Variants in PDE11A observed in about 807,000 individuals in gnomAD.
PDE11A encodes the protein phosphodiesterase 11A.
In PDE11A, 100 loss-of-function variants were observed where a neutral mutation model predicts 100.5. The ratio of observed to expected loss-of-function variants is 1.00; its 90% confidence interval spans 0.85 to 1.18. The LOEUF is 1.18. Ranked by LOEUF, PDE11A falls within the 50% of genes most tolerant of loss-of-function variation. PDE11A has a pLI of 0.00. For missense variants in PDE11A, 1,141 were observed against 1,152.6 expected, an observed-to-expected ratio of 0.99 and a Z score of 0.15; for synonymous variants, 381 against 420.8, an observed-to-expected ratio of 0.91 and a Z score of 1.16.
intron 4 of PDE11A, among the ~76,000 whole-genome samples, chr2:177,881,286 T>C (rs995871761): frequency 6.6e-6 from 1 of 151,408 alleles, no homozygotes; most frequent in Admixed American, 6.6e-5. Flanking sequence ...TCCATAATTA[T>C]GTGAGCCAAT....
chr2:178,072,198 G>A lies in PDE11A; in HGVS notation c.240C>T (p.Gly80=). The A allele has an allele frequency of 6.2e-7, 1 of 1,613,868 alleles. No homozygotes were observed. The change falls in exon 1 of 20, where the codon GGC becomes GGT. Residue 80 remains glycine (G), a synonymous_variant. Transcript: ENST00000286063. The stretch of plus-strand genomic sequence containing the variant: ...CGGGAAGGGGCTGGCTGTGGGCAGA[G>A]CCATTTGGTCCAGTGCCACCACCAA... The part of the protein sequence containing the change: ...SSVGGGTGPN[G]SAHSQPLPGG...
At chr2:178,016,843 G>A (rs2086344997) in intron 1 of PDE11A, among the ~76,000 whole-genome samples, 1 of 152,206 alleles carries the variant, frequency 6.6e-6, no homozygotes, top group Non-Finnish European at 1.5e-5. Context: ...GACAAAGGGA[G>A]AGTGAAAGAG....
intron 10 of PDE11A, among the ~76,000 whole-genome samples, chr2:177,767,144 AC>A (rs2082250721): frequency 6.6e-6 from 1 of 152,184 alleles, no homozygotes. Flanking sequence ...AACCTGACCA[AC>A]ATGGTGAAAC....
chr2:178,071,703 C>T lies in PDE11A; in HGVS notation c.735G>A (p.Gly245=). 1.9e-6 allele frequency: 3 copies of T among 1,613,864 alleles called. No individual in the cohort carries two copies. The highest frequency in any genetic ancestry group is 1.1e-5 in the South Asian group (1 of 91,046). Residue 245 remains glycine (G), a synonymous_variant, in exon 1 of 20, where the codon GGG becomes GGA. Coordinates refer to ENST00000286063, the MANE Select transcript of PDE11A (RefSeq NM_016953.4). The part of the protein sequence containing the change: ...ADRCSLFLVE[G]AAAGKKTLVS... ...CCAAGGTCTTCTTGCCAGCAGCTGCCCCTTCCACCAGGAAAAGAGAGCAGC... is the reference window on the plus strand; with the variant it reads ...CCAAGGTCTTCTTGCCAGCAGCTGCTCCTTCCACCAGGAAAAGAGAGCAGC...
At chr2:178,056,246 C>A (rs1386681822) in intron 1 of PDE11A, among the ~76,000 whole-genome samples, 1 of 152,102 alleles carries the variant, frequency 6.6e-6, no homozygotes, top group African/African-American at 2.4e-5. Context: ...GAAAATATTT[C>A]TTTTCTGTAT....
At chr2:178,036,455 C>T (rs536925346) in intron 1 of PDE11A, among the ~76,000 whole-genome samples, 4 of 152,130 alleles carry the variant, frequency 2.6e-5, no homozygotes, top group South Asian at 4.2e-4. Flanking sequence ...CCCAAAGTAA[C>T]GTATAGAGCC....
chr2:178,031,260 T>C (rs2086543871), intron 1 of PDE11A, among the ~76,000 whole-genome samples: 2 of 152,214 alleles, frequency 1.3e-5, no homozygotes, highest in African/African-American at 4.8e-5. Context: ...AAGCATTCTC[T>C]ATAAGCTCAG....
intron 9 of PDE11A, among the ~76,000 whole-genome samples, chr2:177,809,960 C>T (rs79477717): frequency 0.034 from 5,210 of 152,282 alleles, 153 homozygotes; most frequent in Non-Finnish European, 0.049. Flanking sequence ...AGAATCACTG[C>T]TTCCACTTCT....
At chr2:177,860,544 T>C (rs1188836138) in intron 5 of PDE11A, among the ~76,000 whole-genome samples, 1 of 151,808 alleles carries the variant, frequency 6.6e-6, no homozygotes, top group African/African-American at 2.4e-5. Flanking sequence ...TTTTTTAAAA[T>C]GTCAGTCCTT....
intron 2 of PDE11A, among the ~76,000 whole-genome samples, chr2:177,999,784 G>A (rs1163994530): frequency 2.6e-5 from 4 of 152,194 alleles, no homozygotes; most frequent in Non-Finnish European, 5.9e-5. Flanking sequence ...ATTCTCTCCA[G>A]TGAGAGAGTT....
At chr2:177,840,461 T>A in intron 5 of PDE11A, 78 bp from the exon 6 acceptor site, 2 of 1,215,732 alleles carry the variant, frequency 1.6e-6, no homozygotes, top group Admixed American at 1.7e-5. Flanking sequence ...TAAACTACAC[T>A]AATATCAGGA....
chr2:177,931,602 A>G (rs2085206743), intron 2 of PDE11A, among the ~76,000 whole-genome samples: 1 of 152,194 alleles, frequency 6.6e-6, no homozygotes, highest in Non-Finnish European at 1.5e-5. Flanking sequence ...TTTGAAATAA[A>G]TGAAAACAGA....
At chr2:177,703,726 C>A (rs138720248) in intron 13 of PDE11A, among the ~76,000 whole-genome samples, 19 of 152,304 alleles carry the variant, frequency 1.2e-4, no homozygotes, top group Admixed American at 5.2e-4. Flanking sequence ...TCAGAAGTCA[C>A]TCTGTATCTT....
chr2:177,675,379 G>A, intron 17 of PDE11A, 76 bp downstream of exon 17: 1 of 1,040,460 alleles, frequency 9.6e-7, no homozygotes, highest in Non-Finnish European at 1.5e-6. Flanking sequence ...TGGTAGTCAG[G>A]GCTCTGGGAA....
At chr2:177,845,786 C>T (rs556383713) in intron 5 of PDE11A, among the ~76,000 whole-genome samples, 56 of 152,338 alleles carry the variant, frequency 3.7e-4, no homozygotes, top group African/African-American at 1.3e-3. Flanking sequence ...CCCGGCACCT[C>T]GGGAGGCCGA....
chr2:177,870,019 C>T (rs561995673), intron 5 of PDE11A, among the ~76,000 whole-genome samples: 30 of 152,284 alleles, frequency 2.0e-4, no homozygotes, highest in Admixed American at 1.1e-3. Flanking sequence ...GCATCATGCA[C>T]GAGTTTAGTT....
chr2:177,919,991 G>A lies in PDE11A; in HGVS notation c.1072-14804C>T, dbSNP rs144785456. Among the ~76,000 whole-genome samples, 666 of 152,126 alleles carry A rather than the reference G, an allele frequency of 4.4e-3. 2 individuals carry two copies. Among genetic ancestry groups the A allele is most frequent in the African/African-American group, 0.015 (641 of 41,518 alleles). ...TAAGCTCATATGTAAGAAAAGGATGGTTTCATCAATAAATCGTGTTGGGAC... is the reference window on the plus strand; with the variant it reads ...TAAGCTCATATGTAAGAAAAGGATGATTTCATCAATAAATCGTGTTGGGAC... On this transcript the variant is annotated intron_variant, in intron 2 of 19. Transcript: ENST00000286063.
chr2:177,705,816 C>T (rs2081269724), intron 13 of PDE11A, among the ~76,000 whole-genome samples: 1 of 152,158 alleles, frequency 6.6e-6, no homozygotes, highest in Non-Finnish European at 1.5e-5. Flanking sequence ...ACTTCTGGGA[C>T]CTGGCCGAAA....
chr2:177,885,763 T>A (rs1373639068), intron 4 of PDE11A, among the ~76,000 whole-genome samples: 5 of 152,130 alleles, frequency 3.3e-5, no homozygotes, highest in African/African-American at 1.2e-4. Context: ...CCCTTGAGTG[T>A]AGGATTCAGG....
Sources: gnomAD v4.1 joint callset for allele counts (sites outside exome capture counted in the v4.1 genomes callset) on GRCh38, gnomAD v4.1.1 for gene constraint, MANE v1.5 for transcripts, NCBI Gene and HGNC (gene_info 2026-07-23, HGNC 2026-07-21) for gene names.